DSCAM: variants seen among roughly 807,000 people sequenced by gnomAD.
The protein encoded by DSCAM is cell adhesion molecule DSCAM.
DSCAM carries 47 observed loss-of-function variants against 217.7 expected under a neutral mutation model. The observed-to-expected ratio is 0.22, with a 90% CI of 0.17 to 0.28. DSCAM has a LOEUF of 0.28. DSCAM is among the 10% of genes least tolerant of loss of function. DSCAM has a pLI of 1.00. For missense variants in DSCAM, 2,080 were observed against 2,618.3 expected (o/e 0.79, Z 4.49); for synonymous variants, 1,056 against 1,015.3 (o/e 1.04, Z -0.76).
At chr21:40,191,313 G>A (rs726104) in intron 11 of DSCAM, among the ~76,000 whole-genome samples, 83,415 of 152,016 alleles carry the variant, frequency 0.55, 25,076 homozygotes, top group African/African-American at 0.81. Flanking sequence ...AGCACTGACC[G>A]TGTAATAAGA....
intron 3 of DSCAM, among the ~76,000 whole-genome samples, chr21:40,684,727 T>G (rs1031308014): frequency 7.2e-5 from 11 of 152,244 alleles, no homozygotes; most frequent in Non-Finnish European, 1.5e-4. Context: ...GACATCTATT[T>G]TAGCTTGTCG....
rs1392480405 is a variant in DSCAM at position 40,107,851 on chromosome 21, T to A, written c.3697-13977A>T. Among the ~76,000 whole-genome samples the A allele has an allele frequency of 2.6e-5, 4 of 152,336 alleles. No homozygotes were observed. In the East Asian group the frequency reaches 7.7e-4, roughly 29 times the overall value. On this transcript the variant is annotated intron_variant, in intron 20 of 32. Coordinates refer to ENST00000400454, the MANE Select transcript of DSCAM (RefSeq NM_001389.5). ...TGTCAGAAACTAGGATTGCAACCCC[T>A]GCTTTTTTCTGTTTTTGATTTGCTT... is the stretch of plus-strand genomic sequence containing the variant.
At chr21:40,642,065 A>G in intron 3 of DSCAM, among the ~76,000 whole-genome samples, 1 of 146,632 alleles carries the variant, frequency 6.8e-6, no homozygotes, top group Admixed American at 6.9e-5. Context: ...AAAAACAAAG[A>G]TTATATTCAT....
At position 40,445,621 on chromosome 21, in the gene DSCAM, G is replaced by C. The variant is rs1234813541; in HGVS notation, c.509-76376C>G. Among the ~76,000 whole-genome samples, 6 of 152,244 alleles carry C rather than the reference G, an allele frequency of 3.9e-5. No homozygotes were observed. In the East Asian group the frequency reaches 9.7e-4, roughly 25 times the overall value. ...ATAAAATGAAACATCTGGCACACAAGGTCATAGATAAAATCTACTACCCTC... is the reference window on the plus strand; with the variant it reads ...ATAAAATGAAACATCTGGCACACAACGTCATAGATAAAATCTACTACCCTC... On this transcript the variant is annotated intron_variant, in intron 3 of 32. Transcript: ENST00000400454.
chr21:40,303,784 T>A (rs1211467081), intron 9 of DSCAM, among the ~76,000 whole-genome samples: 2 of 152,236 alleles, frequency 1.3e-5, no homozygotes, highest in Non-Finnish European at 2.9e-5. Context: ...TCATTTTTCC[T>A]GTCAACTGAC....
intron 3 of DSCAM, among the ~76,000 whole-genome samples, chr21:40,596,837 T>C (rs2077025033): frequency 6.6e-6 from 1 of 152,036 alleles, no homozygotes; most frequent in Non-Finnish European, 1.5e-5. Flanking sequence ...AAAAATAAAA[T>C]AGCTCCCAGT....
intron 1 of DSCAM, among the ~76,000 whole-genome samples, chr21:40,745,299 A>G (rs1232002925): frequency 6.6e-6 from 1 of 152,166 alleles, no homozygotes. Context: ...TCCAAGTATA[A>G]AAAGCTCAGA....
At chr21:40,551,039 C>G (rs977403685) in intron 3 of DSCAM, among the ~76,000 whole-genome samples, 4 of 152,136 alleles carry the variant, frequency 2.6e-5, no homozygotes, top group African/African-American at 9.7e-5. Context: ...TTAGGTCAAA[C>G]TTAAAAAGTG....
At chr21:40,647,277 G>A (rs2089959189) in intron 3 of DSCAM, among the ~76,000 whole-genome samples, 1 of 152,140 alleles carries the variant, frequency 6.6e-6, no homozygotes. Flanking sequence ...TCCTGTGTGG[G>A]TGAGCACTGT....
rs1273087246 is a variant in DSCAM, at chr21:40,012,455, A to C, written c.*579T>G. The C allele has an allele frequency of 6.6e-6, 1 of 152,154 alleles. No homozygotes were observed. The highest frequency in any genetic ancestry group is 1.9e-4 in the East Asian group (1 of 5,204). The allele number at this position is 152,154 out of a possible 1,614,324, so 9.4% of individuals were successfully genotyped here. ...TTCTTTTTTATTTCGCTTAGACAAA[A>C]TGCAAAGAGTGTCTCATTAAATTAA... On this transcript the variant is annotated 3_prime_UTR_variant, in exon 33 of 33. Coordinates refer to ENST00000400454, the MANE Select transcript of DSCAM (RefSeq NM_001389.5).
In DSCAM at chr21:40,078,938, A is replaced by G; in HGVS notation, c.4460T>C (p.Ile1487Thr). 6.2e-7 allele frequency: 1 copy of G among 1,614,210 alleles called. No homozygotes were observed. The highest frequency in any genetic ancestry group is 8.5e-7 in the Non-Finnish European group (1 of 1,180,024). ...FSKEQELFAS[I>T]NTTRVRLNLI... is the part of the protein sequence containing the mutation. ...GTTCAGCCTCACGCGTGTGGTGTTG[A>G]TGCTGGCAAACAGCTCCTGCTCCTT... The change falls in exon 26 of 33, where the codon ATC becomes ACC. Residue 1487 changes from isoleucine (I) to threonine (T), a missense_variant. Transcript: ENST00000400454.
At chr21:40,481,428 T>G (rs937903794) in intron 3 of DSCAM, among the ~76,000 whole-genome samples, 6 of 149,044 alleles carry the variant, frequency 4.0e-5, no homozygotes, top group Non-Finnish European at 7.4e-5. Context: ...AGGCAAAGCT[T>G]GCAGAGAATG....
chr21:40,371,331 A>G (rs1419759392), intron 3 of DSCAM, among the ~76,000 whole-genome samples: 1 of 151,994 alleles, frequency 6.6e-6, no homozygotes, highest in East Asian at 1.9e-4. Context: ...TAATGGAAAC[A>G]TTATTTCTCT....
At chr21:40,768,718 T>C (rs912263401) in intron 1 of DSCAM, among the ~76,000 whole-genome samples, 1 of 152,218 alleles carries the variant, frequency 6.6e-6, no homozygotes, top group Non-Finnish European at 1.5e-5. Flanking sequence ...CCTCCTGATG[T>C]GGAAGTGCTT....
At position 40,460,473 on chromosome 21, in the gene DSCAM, AC is replaced by A. The variant is rs1243747238; in HGVS notation, c.509-91229del. 2.0e-5 allele frequency among the ~76,000 whole-genome samples: 3 copies of A among 152,310 alleles called. No homozygotes were observed. In the East Asian group the frequency reaches 5.8e-4, roughly 29 times the overall value. ...ATACAAAATTATGATTCCATAAACAACTTAGAAACTTAACCACATAAAAAAT... is the reference window on the plus strand; with the variant it reads ...ATACAAAATTATGATTCCATAAACAATTAGAAACTTAACCACATAAAAAAT... On this transcript the variant is annotated intron_variant, in intron 3 of 32. Transcript: ENST00000400454.
At chr21:40,768,607 C>A (rs772691452) in intron 1 of DSCAM, among the ~76,000 whole-genome samples, 8 of 152,154 alleles carry the variant, frequency 5.3e-5, no homozygotes, top group African/African-American at 1.9e-4. Context: ...AACACAATTC[C>A]CATTTCCAGG....
rs757835273 is a variant in DSCAM, at chr21:40,016,975, A to T, written c.5687-3589T>A. 6.6e-6 allele frequency among the ~76,000 whole-genome samples: 1 copy of T among 152,022 alleles called. No homozygotes were observed. Among genetic ancestry groups the T allele is most frequent in the Non-Finnish European group, 1.5e-5 (1 of 67,978 alleles). ...TACTGAAAATAGAAAAATCAGCTGG[A>T]CGTGGTGGTACACGCCTGTAATCCC... On this transcript the variant is annotated intron_variant, in intron 32 of 32. Coordinates refer to ENST00000400454, the MANE Select transcript of DSCAM (RefSeq NM_001389.5). The surrounding 1 kb of genome is among the most constrained non-coding windows in gnomAD (Gnocchi z 4.3).
chr21:40,335,307 T>C (rs1438268257), intron 8 of DSCAM, among the ~76,000 whole-genome samples: 1 of 152,220 alleles, frequency 6.6e-6, no homozygotes, highest in Non-Finnish European at 1.5e-5. Flanking sequence ...ACAAGTTTTA[T>C]ACTATATGAT....
chr21:40,722,138 T>C (rs1487548966), intron 1 of DSCAM, among the ~76,000 whole-genome samples: 1 of 152,128 alleles, frequency 6.6e-6, no homozygotes, highest in Non-Finnish European at 1.5e-5. Flanking sequence ...TGAGAATTCA[T>C]TGTCAGTAGA....
Sources: allele counts gnomAD v4.1 joint callset (sites outside exome capture counted in the v4.1 genomes callset), GRCh38; gene constraint gnomAD v4.1.1; non-coding constraint Gnocchi (gnomAD v3.1); transcripts MANE v1.5; gene names NCBI Gene and HGNC (gene_info 2026-07-23, HGNC 2026-07-21).